Variants in PPME1 observed in about 807,000 individuals in gnomAD.
The protein encoded by PPME1 is testicular secretory protein Li 39.
PPME1 carries 17 observed loss-of-function variants against 56.9 expected under a neutral mutation model. The ratio of observed to expected loss-of-function variants is 0.30; its 90% confidence interval spans 0.20 to 0.45. The LOEUF is 0.45. PPME1 is among the 20% of genes least tolerant of loss of function. The pLI, the probability that PPME1 is intolerant of heterozygous loss-of-function variation, is 1.00. For synonymous variants in PPME1, 122 were observed against 156.2 expected (o/e 0.78, Z 1.63); for missense variants, 357 against 483.2 (o/e 0.74, Z 2.45).
At chr11:74,181,512 C>T (rs111428324) in intron 1 of PPME1, among the ~76,000 whole-genome samples, 1 of 152,214 alleles carries the variant, frequency 6.6e-6, no homozygotes, top group African/African-American at 2.4e-5. Context: ...CTGTGTCAGA[C>T]TTATCGAAGA....
At chr11:74,249,823 C>G (rs1474438788) in intron 11 of PPME1, 1 of 152,178 alleles carries the variant, frequency 6.6e-6, no homozygotes, top group Non-Finnish European at 1.5e-5. Context: ...AGTGCATTAA[C>G]AACTTTAGGA....
chr11:74,234,073 TGG>T (rs1180357652), intron 7 of PPME1, among the ~76,000 whole-genome samples: 1 of 152,142 alleles, frequency 6.6e-6, no homozygotes, highest in Non-Finnish European at 1.5e-5. Context: ...GACTGGTTTA[TGG>T]ATTGGATGTT....
intron 13 of PPME1, chr11:74,252,340 G>A (rs1185606883): frequency 2.4e-5 from 10 of 418,400 alleles, no homozygotes; most frequent in Admixed American, 7.3e-5. Context: ...CACCCGCATC[G>A]GCCTCCTAAA....
At chr11:74,204,198 A>G (rs997726709) in intron 2 of PPME1, among the ~76,000 whole-genome samples, 155 bp from the exon 3 acceptor site, 1 of 151,912 alleles carries the variant, frequency 6.6e-6, no homozygotes, top group Non-Finnish European at 1.5e-5. Flanking sequence ...TCATGCTTCA[A>G]ACAGAGGGTT....
chr11:74,239,126 A>C lies in PPME1; in HGVS notation c.711-7A>C. 6.2e-7 allele frequency: 1 copy of C among 1,607,552 alleles called. No individual in the cohort carries two copies. Among genetic ancestry groups the C allele is most frequent in the Non-Finnish European group, 8.5e-7 (1 of 1,177,988 alleles). ...GTGTGTAATAGCACTTTTTTAAAAA[A>C]ACCTAGGTGTGAAGGAATTACAAGT... is the stretch of plus-strand genomic sequence containing the variant. On this transcript the variant is annotated splice_polypyrimidine_tract_variant and splice_region_variant and intron_variant, in intron 8 of 13. Transcript: ENST00000328257.
Position 74,230,269 on chromosome 11 carries a change from C to T in PPME1, c.423C>T (p.Ala141=). 3 of 1,612,036 alleles carry T rather than the reference C, an allele frequency of 1.9e-6. No individual in the cohort carries two copies. The highest frequency in any genetic ancestry group is 2.5e-6 in the Non-Finnish European group (3 of 1,179,196). The change falls in exon 6 of 14, where the codon GCC becomes GCT. Residue 141 remains alanine (A), a synonymous_variant. Transcript: ENST00000328257. The surrounding 1 kb of genome is among the most constrained non-coding windows in gnomAD (Gnocchi z 4.9). ...MAKDVGNVVE[A]MYGDLPPPIM... ...GAGACGTTGGCAATGTGGTTGAAGC[C>T]ATGTATGGGGACCTTCCTCCTCCAA...
Position 74,235,883 on chromosome 11 carries a change from C to CT in PPME1, c.645-15dup. On this transcript the variant is annotated splice_polypyrimidine_tract_variant and intron_variant, in intron 7 of 13. Coordinates refer to ENST00000328257, the MANE Select transcript of PPME1 (RefSeq NM_016147.3). ...AGATACTGAATAACCTTCTCTCTTC[C>CT]TTTCTTTTCTTTCCCAGTGTGAAGA... 6.2e-7 allele frequency: 1 copy of CT among 1,604,454 alleles called. No individual in the cohort carries two copies. Among genetic ancestry groups the CT allele is most frequent in the South Asian group, 1.1e-5 (1 of 88,878 alleles).
chr11:74,231,676 G>A (rs952771145), intron 7 of PPME1, among the ~76,000 whole-genome samples: 3 of 152,166 alleles, frequency 2.0e-5, no homozygotes, highest in Non-Finnish European at 4.4e-5. Context: ...TCTGAGGTAA[G>A]AGGTTAGACT....
At chr11:74,225,160 A>G (rs1035997327) in intron 4 of PPME1, 45 bp from the exon 5 acceptor site, 1 of 1,319,372 alleles carries the variant, frequency 7.6e-7, no homozygotes, top group Non-Finnish European at 1.0e-6. Context: ...TGCTTTTATA[A>G]TTCCTGTCTG....
chr11:74,209,520 G>A (rs1858418263), intron 3 of PPME1, among the ~76,000 whole-genome samples: 1 of 152,208 alleles, frequency 6.6e-6, no homozygotes, highest in Non-Finnish European at 1.5e-5. Context: ...CATTCACACT[G>A]TAAAGTTCTG....
chr11:74,184,890 T>C (rs575038912), intron 1 of PPME1, among the ~76,000 whole-genome samples: 1 of 152,092 alleles, frequency 6.6e-6, no homozygotes, highest in South Asian at 2.1e-4. Context: ...TTCAATTGAA[T>C]TGAGATTAAA....
chr11:74,186,929 A>G (rs1482392242), intron 1 of PPME1, among the ~76,000 whole-genome samples: 1 of 152,170 alleles, frequency 6.6e-6, no homozygotes, highest in Non-Finnish European at 1.5e-5. Flanking sequence ...TTTATGTATG[A>G]TATGAGGAAT....
intron 4 of PPME1, among the ~76,000 whole-genome samples, chr11:74,223,572 G>A (rs1270134618): frequency 7.9e-6 from 1 of 127,372 alleles, no homozygotes; most frequent in Non-Finnish European, 1.6e-5. Context: ...GTGTAAAAGT[G>A]TTCCTATTTC....
chr11:74,172,979 G>A (rs1224611953), intron 1 of PPME1, among the ~76,000 whole-genome samples: 1 of 152,138 alleles, frequency 6.6e-6, no homozygotes, highest in East Asian at 1.9e-4. Flanking sequence ...AAACAGTGGG[G>A]TAAAGGAATG....
At chr11:74,211,030 CTG>C (rs1353919942) in intron 3 of PPME1, among the ~76,000 whole-genome samples, 1 of 152,142 alleles carries the variant, frequency 6.6e-6, no homozygotes, top group African/African-American at 2.4e-5. Flanking sequence ...GTTTAAAAAT[CTG>C]TTTTTTCTAA....
rs1344183665 is a variant in PPME1, at chr11:74,237,241, T to C, written c.710+1275T>C. Among the ~76,000 whole-genome samples, 4 of 151,986 alleles carry C rather than the reference T, an allele frequency of 2.6e-5. No homozygotes were observed. In the East Asian group the frequency reaches 7.7e-4, roughly 29 times the overall value. On this transcript the variant is annotated intron_variant, in intron 8 of 13. Coordinates refer to ENST00000328257, the MANE Select transcript of PPME1 (RefSeq NM_016147.3). ...AGAATACTTGATAGGTGATGTTGCG[T>C]ACTGCCATCAGGAAGTACATAATGT...
Position 74,230,862 on chromosome 11 carries a change from A to G in PPME1, c.554-50A>G, listed in dbSNP as rs754407404. The stretch of plus-strand genomic sequence containing the variant: ...ATAGTAGTTGACTCAGTAAGTGTAA[A>G]TGCTCAGAATAAGTTAAATATGTGG... On this transcript the variant is annotated intron_variant, in intron 6 of 13. Coordinates refer to ENST00000328257, the MANE Select transcript of PPME1 (RefSeq NM_016147.3). This position sits in a 1 kb window ranked among gnomAD's most constrained non-coding sequence, Gnocchi z 4.9. The G allele has an allele frequency of 1.5e-6, 2 of 1,349,374 alleles. No homozygotes were observed. Among genetic ancestry groups the G allele is most frequent in the Admixed American group, 3.9e-5 (2 of 51,058 alleles). 83.6% of individuals were successfully genotyped at this position (1,349,374 alleles called of 1,614,324 possible). A position where few individuals can be genotyped will look rare whatever the true frequency, so the allele number is the denominator to read the frequency against.
chr11:74,234,614 A>G (rs1005930911), intron 7 of PPME1, among the ~76,000 whole-genome samples: 14 of 152,254 alleles, frequency 9.2e-5, no homozygotes, highest in African/African-American at 2.9e-4. Flanking sequence ...AATTGGCATG[A>G]TAGAGGTGAC....
In PPME1 at chr11:74,230,874, A is replaced by G; in HGVS notation, c.554-38A>G. The G allele has an allele frequency of 3.5e-6, 5 of 1,445,566 alleles. No individual in the cohort carries two copies. Among genetic ancestry groups the G allele is most frequent in the Non-Finnish European group, 4.8e-6 (5 of 1,045,780 alleles). 89.5% of individuals were successfully genotyped at this position (1,445,566 alleles called of 1,614,324 possible). On this transcript the variant is annotated intron_variant, in intron 6 of 13. Coordinates refer to ENST00000328257, the MANE Select transcript of PPME1 (RefSeq NM_016147.3). The surrounding 1 kb of genome is among the most constrained non-coding windows in gnomAD (Gnocchi z 4.9). ...TCAGTAAGTGTAAATGCTCAGAATA[A>G]GTTAAATATGTGGTTACAGTTTTTG...
Sources: gnomAD v4.1 joint callset for allele counts (sites outside exome capture counted in the v4.1 genomes callset) on GRCh38, gnomAD v4.1.1 for gene constraint, Gnocchi (gnomAD v3.1) non-coding constraint, MANE v1.5 for transcripts, NCBI Gene and HGNC (gene_info 2026-07-23, HGNC 2026-07-21) for gene names.